Variants in SPRY3 observed in about 807,000 individuals in gnomAD.
The protein encoded by SPRY3 is protein sprouty homolog 3.
Under a neutral mutation model 20.2 loss-of-function variants are expected in SPRY3, and 15 were observed. The ratio of observed to expected loss-of-function variants is 0.74; its 90% CI spans 0.50 to 1.14. The LOEUF (loss-of-function observed/expected upper bound fraction) is 1.14. Among genes scored for constraint, SPRY3 ranks in the 50% most tolerant of loss-of-function variants. SPRY3 has a pLI of 0.00. For missense variants in SPRY3, 364 were observed against 363.9 expected, an observed-to-expected ratio of 1.00 and a Z score of 0.00; for synonymous variants, 143 against 136.5, an observed-to-expected ratio of 1.05 and a Z score of -0.33.
chrX:155,677,045 T>C lies in SPRY3; in HGVS notation c.-282+20020T>C, dbSNP rs183425897. 2.1e-3 allele frequency among the ~76,000 whole-genome samples: 239 copies of C among 111,979 alleles called. 3 individuals carry two copies. The highest frequency in any genetic ancestry group is 7.4e-3 in the African/African-American group (228 of 30,853). On this transcript the variant is annotated intron_variant, in intron 2 of 3. Transcript: ENST00000675360. ...TCTTTCAGTCAGTTCGGATCGGCTA[T>C]TGAAGATATTAATTAAATCATATAA...
intron 2 of SPRY3, among the ~76,000 whole-genome samples, chrX:155,741,027 G>T (rs1415449435): frequency 6.6e-6 from 1 of 152,046 alleles, no homozygotes; most frequent in Admixed American, 6.6e-5. Flanking sequence ...TTGGGGGTGG[G>T]TTTCCCCGAT....
chrX:155,648,547 A>C (rs1285389711), intron 1 of SPRY3, among the ~76,000 whole-genome samples: 1 of 112,580 alleles, frequency 8.9e-6, no homozygotes, highest in Admixed American at 9.4e-5. Context: ...ACCATTTATT[A>C]AATAGGGAAT....
At chrX:155,767,688 GGAGGAGGAGGAGAAAGAA>G (rs777796901) in intron 2 of SPRY3, 1,091 of 93,866 alleles carry the variant, frequency 0.012, 16 homozygotes, top group Non-Finnish European at 0.017. Flanking sequence ...AGAAAGAGGC[GGAGGAGGAGGAGAAAGAA>G]GAGGAGGAGG....
chrX:155,637,720 CT>C (rs781894277), intron 1 of SPRY3, among the ~76,000 whole-genome samples: 5 of 111,802 alleles, frequency 4.5e-5, no homozygotes, highest in South Asian at 3.8e-4. Context: ...TTGTTCCCCC[CT>C]AGGAGTGGTA....
intron 2 of SPRY3, among the ~76,000 whole-genome samples, chrX:155,716,981 AAT>A (rs749530944): frequency 0.034 from 2,153 of 63,404 alleles, 195 homozygotes; most frequent in African/African-American, 0.12. Flanking sequence ...TAAAATACAA[AAT>A]ATATATATAT....
intron 2 of SPRY3, among the ~76,000 whole-genome samples, chrX:155,765,291 GACAGCCT>G (rs1274571025): frequency 2.2e-5 from 1 of 44,626 alleles, no homozygotes; most frequent in Non-Finnish European, 5.0e-5. Context: ...TCTGGAGTGA[GACAGCCT>G]GAGTCAGCCT....
intron 2 of SPRY3, among the ~76,000 whole-genome samples, chrX:155,665,328 A>G (rs781896134): frequency 1.8e-5 from 2 of 111,485 alleles, no homozygotes; most frequent in African/African-American, 6.5e-5. Flanking sequence ...TAATAAATAT[A>G]GAGATATACA....
intron 2 of SPRY3, among the ~76,000 whole-genome samples, chrX:155,726,312 A>G (rs1311658264): frequency 6.6e-6 from 1 of 152,150 alleles, no homozygotes; most frequent in Admixed American, 6.5e-5. Flanking sequence ...TGGGGTGCAG[A>G]GTTCTGTAGA....
intron 1 of SPRY3, among the ~76,000 whole-genome samples, chrX:155,649,080 A>G (rs996009228): frequency 8.9e-6 from 1 of 111,790 alleles, no homozygotes; most frequent in Admixed American, 9.5e-5. Context: ...AAGAAGTCGA[A>G]TCACTGAATA....
chrX:155,694,516 G>A (rs2124577071), intron 2 of SPRY3, among the ~76,000 whole-genome samples: 1 of 111,128 alleles, frequency 9.0e-6, no homozygotes, highest in East Asian at 2.9e-4. Flanking sequence ...CATGGACCGG[G>A]GTGGGTGAGG....
intron 1 of SPRY3, among the ~76,000 whole-genome samples, chrX:155,633,974 G>A (rs782575314): frequency 4.3e-4 from 48 of 110,953 alleles, no homozygotes; most frequent in Non-Finnish European, 7.6e-5. Context: ...CCAGCTACTC[G>A]GGAGGCTGAG....
chrX:155,715,648 G>A (rs2091017066), intron 2 of SPRY3, among the ~76,000 whole-genome samples: 1 of 152,092 alleles, frequency 6.6e-6, no homozygotes, highest in Admixed American at 6.5e-5. Flanking sequence ...ACTAGAACTC[G>A]CCTAGGAGTT....
At chrX:155,762,750 G>A (rs2091309598) in intron 2 of SPRY3, among the ~76,000 whole-genome samples, 1 of 152,164 alleles carries the variant, frequency 6.6e-6, no homozygotes, top group Non-Finnish European at 1.5e-5. Flanking sequence ...CTTATACACT[G>A]TTGGTGGGAA....
At chrX:155,736,643 A>C (rs1417153449) in intron 2 of SPRY3, among the ~76,000 whole-genome samples, 1 of 151,956 alleles carries the variant, frequency 6.6e-6, no homozygotes, top group Non-Finnish European at 1.5e-5. Flanking sequence ...TGTAGTTTAA[A>C]TATGATATGC....
chrX:155,710,303 A>G (rs1236307898), intron 2 of SPRY3, among the ~76,000 whole-genome samples: 1 of 151,702 alleles, frequency 6.6e-6, no homozygotes, highest in Non-Finnish European at 1.5e-5. Context: ...AACATAGAAT[A>G]TCTTTCCATT....
chrX:155,624,306 A>G (rs781867536), intron 1 of SPRY3, among the ~76,000 whole-genome samples: 1 of 111,984 alleles, frequency 8.9e-6, no homozygotes, highest in South Asian at 3.6e-4. Context: ...ACTAACTACC[A>G]TACACCAGGT....
chrX:155,694,420 C>A (rs2068112462), intron 2 of SPRY3, among the ~76,000 whole-genome samples: 1 of 110,756 alleles, frequency 9.0e-6, no homozygotes, highest in Non-Finnish European at 1.9e-5. Context: ...AACATACAGA[C>A]CTCTCTACAC....
At chrX:155,744,975 C>T (rs1288796922) in intron 2 of SPRY3, among the ~76,000 whole-genome samples, 3 of 152,060 alleles carry the variant, frequency 2.0e-5, no homozygotes, top group African/African-American at 7.2e-5. Context: ...CTACTGAGTG[C>T]AAAGCCTCTT....
At chrX:155,750,997 C>T (rs144009383) in intron 2 of SPRY3, among the ~76,000 whole-genome samples, 1 of 151,786 alleles carries the variant, frequency 6.6e-6, no homozygotes, top group Non-Finnish European at 1.5e-5. Context: ...AATGATGAAC[C>T]ATGAAATCTA....
Sources: allele counts gnomAD v4.1 joint callset (sites outside exome capture counted in the v4.1 genomes callset), GRCh38; gene constraint gnomAD v4.1.1; transcripts MANE v1.5; gene names NCBI Gene and HGNC (gene_info 2026-07-23, HGNC 2026-07-21).